Variants in IQSEC1 observed in about 807,000 individuals in gnomAD.
IQSEC1 encodes IQ motif and Sec7 domain ArfGEF 1, also known as IQ motif and SEC7 domain-containing protein 1.
A neutral mutation model predicts 91.0 loss-of-function variants in IQSEC1; 31 were observed. The ratio of observed to expected loss-of-function variants is 0.34; its 90% confidence interval spans 0.26 to 0.46. The LOEUF (loss-of-function observed/expected upper bound fraction) is 0.46, where lower values mean the gene tolerates loss of function less well. IQSEC1 is among the 20% of genes least tolerant of loss of function. The probability of loss-of-function intolerance (pLI) is 1.00; values close to 1 mark genes in which losing one functional copy is unlikely to be tolerated. For missense variants in IQSEC1, 1,388 were observed against 1,575.6 expected (o/e 0.88, Z 2.02); for synonymous variants, 699 against 662.6 (o/e 1.05, Z -0.84).
chr3:13,170,488 C>G (rs1213101747), intron 1 of IQSEC1, among the ~76,000 whole-genome samples: 3 of 152,188 alleles, frequency 2.0e-5, no homozygotes, highest in African/African-American at 4.8e-5. Context: ...AATGGTAGAT[C>G]CACCAACAGC....
chr3:13,145,213 A>G (rs1041098427), intron 2 of IQSEC1, among the ~76,000 whole-genome samples: 1 of 152,172 alleles, frequency 6.6e-6, no homozygotes, highest in African/African-American at 2.4e-5. Flanking sequence ...CCCTATGAAG[A>G]GTAGCTTAGA....
At chr3:13,040,957 C>T (rs551795272) in intron 1 of IQSEC1, among the ~76,000 whole-genome samples, 21 of 152,238 alleles carry the variant, frequency 1.4e-4, no homozygotes, top group Admixed American at 5.2e-4. Context: ...AGGACTCCGG[C>T]GTCTGCATGG....
intron 1 of IQSEC1, among the ~76,000 whole-genome samples, chr3:12,990,945 C>T (rs1285085128): frequency 6.6e-6 from 1 of 152,210 alleles, no homozygotes; most frequent in Non-Finnish European, 1.5e-5. Flanking sequence ...GCACTGCAAT[C>T]CTGCTGGATT....
chr3:13,184,707 C>T (rs531206938), intron 1 of IQSEC1, among the ~76,000 whole-genome samples: 28 of 152,324 alleles, frequency 1.8e-4, no homozygotes, highest in South Asian at 4.2e-4. Flanking sequence ...CCCTAAGGAT[C>T]TCCAGAAAAG....
At chr3:13,219,062 C>T (rs1216382191) in intron 1 of IQSEC1, among the ~76,000 whole-genome samples, 6 of 152,192 alleles carry the variant, frequency 3.9e-5, no homozygotes, top group Non-Finnish European at 8.8e-5. Context: ...TGTCAGTCTC[C>T]CAGCGGATCT....
chr3:13,187,033 T>G (rs1388310045), intron 1 of IQSEC1, among the ~76,000 whole-genome samples: 2 of 151,912 alleles, frequency 1.3e-5, no homozygotes, highest in East Asian at 3.9e-4. Flanking sequence ...CCTTCCCCCT[T>G]CCTTCCTCTC....
At chr3:13,232,463 C>T (rs1347297557) in intron 1 of IQSEC1, among the ~76,000 whole-genome samples, 1 of 152,172 alleles carries the variant, frequency 6.6e-6, no homozygotes, top group Non-Finnish European at 1.5e-5. Context: ...CACAGGGAGG[C>T]GTCATCTGCA....
At chr3:13,249,234 C>T (rs989222935) in intron 1 of IQSEC1, among the ~76,000 whole-genome samples, 2 of 143,138 alleles carry the variant, frequency 1.4e-5, no homozygotes, top group Non-Finnish European at 3.0e-5. Context: ...TGCAGTGGCG[C>T]GATCTCGGCT....
chr3:13,127,446 A>AAC (rs1706536053), intron 2 of IQSEC1, among the ~76,000 whole-genome samples: 2 of 136,470 alleles, frequency 1.5e-5, no homozygotes, highest in Middle Eastern at 3.8e-3. Flanking sequence ...AACAAACAAA[A>AAC]AAAAAAAAAC....
intron 3 of IQSEC1, among the ~76,000 whole-genome samples, chr3:12,925,187 C>G (rs1038169539): frequency 7.9e-5 from 12 of 152,200 alleles, no homozygotes; most frequent in Admixed American, 3.9e-4. Flanking sequence ...CCTGTCCGGC[C>G]CAACTCCCTG....
At chr3:13,005,224 A>C (rs776680418) in intron 1 of IQSEC1, among the ~76,000 whole-genome samples, 25 of 152,190 alleles carry the variant, frequency 1.6e-4, no homozygotes, top group Middle Eastern at 3.4e-3. Flanking sequence ...TCTTCCCTTT[A>C]CTTGAAAAGC....
At chr3:13,199,278 A>G (rs1164804974) in intron 1 of IQSEC1, among the ~76,000 whole-genome samples, 2 of 152,174 alleles carry the variant, frequency 1.3e-5, no homozygotes, top group Non-Finnish European at 2.9e-5. Flanking sequence ...CTTCTCTAGG[A>G]GCCAACACAT....
At position 12,941,699 on chromosome 3, in the gene IQSEC1, G is replaced by A. The variant is rs752254359; in HGVS notation, c.190C>T (p.Arg64Cys). The A allele has an allele frequency of 3.3e-5, 53 of 1,612,614 alleles. No homozygotes were observed. Among genetic ancestry groups the A allele is most frequent in the East Asian group, 2.2e-5 (1 of 44,886 alleles). ...TGCTGCAGCTTGGGCCTCCGCGTGC[G>A]CTGCTGTTGCCCCGGCGGCCCCGAG... ...LYSGPPGQQQRTRRPKLQHST... is the reference protein window; with the variant it reads ...LYSGPPGQQQCTRRPKLQHST... Residue 64 changes from arginine (R) to cysteine (C), a missense_variant, in exon 2 of 14, where the codon CGC (arginine) becomes TGC (cysteine). This residue lies in a region of IQSEC1 where 1,059 missense variants were observed against 1,317.8 expected (regional missense o/e 0.80). Transcript: ENST00000613206.
At chr3:13,162,852 C>T (rs1282758506) in intron 2 of IQSEC1, among the ~76,000 whole-genome samples, 5 of 152,126 alleles carry the variant, frequency 3.3e-5, no homozygotes, top group Admixed American at 6.5e-5. Context: ...CTGCCCCCTC[C>T]CTCGGATCCC....
intron 13 of IQSEC1, among the ~76,000 whole-genome samples, chr3:12,902,073 T>C (rs1694376056): frequency 6.6e-6 from 1 of 151,962 alleles, no homozygotes; most frequent in South Asian, 2.1e-4. Flanking sequence ...TCTGGGAGAA[T>C]GGGCTGCCTA....
chr3:13,162,128 C>T (rs1301134293), intron 2 of IQSEC1, among the ~76,000 whole-genome samples: 1 of 152,254 alleles, frequency 6.6e-6, no homozygotes, highest in Non-Finnish European at 1.5e-5. Context: ...TACATGTTCA[C>T]TAGCCCCCGC....
chr3:12,911,180 G>C (rs1195715544), intron 10 of IQSEC1, among the ~76,000 whole-genome samples: 2 of 152,222 alleles, frequency 1.3e-5, no homozygotes, highest in East Asian at 1.9e-4. Context: ...GGGTTGCAGA[G>C]CCAGGCCACA....
intron 1 of IQSEC1, among the ~76,000 whole-genome samples, chr3:12,986,355 A>G (rs2686740): frequency 0.82 from 124,407 of 152,172 alleles, 51,091 homozygotes; most frequent in East Asian, 0.98. Context: ...GACAACTGAG[A>G]GTTCCCCGGG....
intron 1 of IQSEC1, among the ~76,000 whole-genome samples, chr3:13,044,657 A>G (rs60520323): frequency 0.19 from 29,525 of 152,264 alleles, 3,486 homozygotes; most frequent in East Asian, 0.4. Context: ...AGGCGGGGCC[A>G]GCAGCCCTGA....
Sources: allele counts gnomAD v4.1 joint callset (sites outside exome capture counted in the v4.1 genomes callset), GRCh38; gene constraint gnomAD v4.1.1; regional missense constraint gnomAD v4.1.1; transcripts MANE v1.5; gene names NCBI Gene and HGNC (gene_info 2026-07-23, HGNC 2026-07-21).